The following BLK variants were observed in gnomAD, a reference collection of about 807,000 sequenced individuals.
The protein encoded by BLK is BLK proto-oncogene, Src family tyrosine kinase.
BLK carries 64 observed loss-of-function variants against 61.8 expected under a neutral mutation model. The ratio of observed to expected loss-of-function variants is 1.03; its 90% CI spans 0.85 to 1.27. The LOEUF (loss-of-function observed/expected upper bound fraction) is 1.27. BLK is among the 50% of genes most tolerant of loss of function. The pLI is 0.00. For synonymous variants in BLK, 351 were observed against 272.0 expected, an observed-to-expected ratio of 1.29 and a Z score of -2.86; for missense variants, 853 against 660.5, an observed-to-expected ratio of 1.29 and a Z score of -3.19.
intron 1 of BLK, among the ~76,000 whole-genome samples, chr8:11,496,714 G>A (rs1798371237): frequency 1.3e-5 from 2 of 152,212 alleles, no homozygotes; most frequent in Non-Finnish European, 2.9e-5. Context: ...CAGGAATGGA[G>A]AGAATGAGGA....
chr8:11,532,178 T>G (rs1369331878), intron 1 of BLK, among the ~76,000 whole-genome samples: 1 of 149,352 alleles, frequency 6.7e-6, no homozygotes, highest in Admixed American at 6.7e-5. Context: ...TTTCCTTTTA[T>G]AAAAAAATTT....
chr8:11,502,405 G>T (rs1798597297), intron 1 of BLK, among the ~76,000 whole-genome samples: 1 of 151,994 alleles, frequency 6.6e-6, no homozygotes, highest in Non-Finnish European at 1.5e-5. Flanking sequence ...CTGGGTTTAA[G>T]GGATTCTCCT....
intron 4 of BLK, 84 bp from the exon 5 acceptor site, chr8:11,548,940 A>AGGCC (rs1289244391): frequency 8.1e-7 from 1 of 1,228,848 alleles, no homozygotes; most frequent in Non-Finnish European, 1.2e-6. Flanking sequence ...CCAGGGAGAG[A>AGGCC]TGACTTTGAG....
rs1184513353 is a variant in BLK at position 11,524,409 on chromosome 8, C to T, written c.-1-18815C>T. ...TAATTTTCTACATGTGCAGTACTTG[C>T]TTAATAAAAAATGAGATTGAAAAGT... On this transcript the variant is annotated intron_variant, in intron 1 of 12. Coordinates refer to ENST00000259089, the MANE Select transcript of BLK (RefSeq NM_001715.3). Among the ~76,000 whole-genome samples the T allele has an allele frequency of 2.0e-5, 3 of 152,016 alleles. No individual in the cohort carries two copies. In the East Asian group the frequency reaches 5.8e-4, roughly 29 times the overall value.
intron 1 of BLK, among the ~76,000 whole-genome samples, chr8:11,501,713 C>T (rs1274946424): frequency 3.3e-5 from 5 of 152,284 alleles, no homozygotes; most frequent in South Asian, 2.1e-4. Flanking sequence ...CTGTCATATC[C>T]GTAGCCAAGC....
intron 1 of BLK, among the ~76,000 whole-genome samples, chr8:11,497,161 C>G (rs1201374653): frequency 2.6e-5 from 4 of 152,118 alleles, no homozygotes; most frequent in Admixed American, 6.5e-5. Flanking sequence ...GAAGACAGCA[C>G]GTAGATGGAA....
chr8:11,548,899 G>T (rs76578315), intron 4 of BLK, 125 bp from the exon 5 acceptor site: 7 of 880,292 alleles, frequency 8.0e-6, no homozygotes, highest in African/African-American at 6.7e-5. Flanking sequence ...CCTGCCTGCC[G>T]TACTCTCTAC....
rs749146872 is a variant in BLK, at chr8:11,556,849, C to A, written c.952+12C>A. The A allele has an allele frequency of 1.2e-6, 2 of 1,613,124 alleles. No individual in the cohort carries two copies. The highest frequency in any genetic ancestry group is 1.1e-5 in the South Asian group (1 of 90,952). On this transcript the variant is annotated intron_variant, in intron 9 of 12. Transcript: ENST00000259089. ...GTACATGGCCAGAGGTGGTGCCCCC[C>A]GCAGAGCCGCATCCTCAGAGCGAGG... is the stretch of plus-strand genomic sequence containing the variant.
chr8:11,529,682 C>G (rs1037193554), intron 1 of BLK, among the ~76,000 whole-genome samples: 1 of 152,206 alleles, frequency 6.6e-6, no homozygotes, highest in African/African-American at 2.4e-5. Flanking sequence ...CTGGAATGCG[C>G]TGTTATTGTC....
chr8:11,534,985 G>A (rs559238184), intron 1 of BLK, among the ~76,000 whole-genome samples: 7 of 152,234 alleles, frequency 4.6e-5, no homozygotes, highest in East Asian at 1.9e-4. Context: ...ACCAGCCTGG[G>A]CAACATGATG....
At chr8:11,525,465 T>A (rs1799618295) in intron 1 of BLK, among the ~76,000 whole-genome samples, 2 of 127,314 alleles carry the variant, frequency 1.6e-5, no homozygotes, top group African/African-American at 6.1e-5. Context: ...CAGGATTATA[T>A]CATACAAAAC....
chr8:11,561,343 C>T lies in BLK; in HGVS notation c.1071C>T (p.Ile357=). 6.2e-7 allele frequency: 1 copy of T among 1,614,104 alleles called. No homozygotes were observed. Among genetic ancestry groups the T allele is most frequent in the Non-Finnish European group, 8.5e-7 (1 of 1,179,998 alleles). ...CATACATTGAGCGCATGAATTCCAT[C>T]CACCGCGACCTGCGGGCGGCCAACA... ...GMAYIERMNS[I]HRDLRAANIL... is the part of the protein sequence containing the mutation. Residue 357 remains isoleucine (I), a synonymous_variant, in exon 11 of 13, where the codon ATC becomes ATT. Transcript: ENST00000259089.
chr8:11,550,124 C>T (rs569437248), intron 5 of BLK, 35 bp from the exon 6 acceptor site: 4 of 1,568,354 alleles, frequency 2.6e-6, no homozygotes, highest in African/African-American at 1.4e-5. Context: ...GGAGCAGGGT[C>T]GCTCTGAGTT....
chr8:11,537,541 G>C (rs567606207), intron 1 of BLK, among the ~76,000 whole-genome samples: 31 of 152,284 alleles, frequency 2.0e-4, no homozygotes, highest in African/African-American at 7.5e-4. Context: ...CCCTCCAAGG[G>C]ACACAGAGCC....
intron 11 of BLK, 30 bp downstream of exon 11, chr8:11,561,482 C>T (rs1214139689): frequency 5.6e-6 from 9 of 1,610,330 alleles, no homozygotes; most frequent in Non-Finnish European, 6.8e-6. Flanking sequence ...ACAAGGGAAA[C>T]CTAGGGCCTT....
At chr8:11,535,941 G>C (rs76927874) in intron 1 of BLK, among the ~76,000 whole-genome samples, 271 of 152,288 alleles carry the variant, frequency 1.8e-3, no homozygotes, top group African/African-American at 6.2e-3. Context: ...ACAAATCAAA[G>C]GCTTGAAACT....
intron 1 of BLK, among the ~76,000 whole-genome samples, chr8:11,505,154 A>AC (rs1410790843): frequency 6.6e-6 from 1 of 152,150 alleles, no homozygotes; most frequent in Non-Finnish European, 1.5e-5. Flanking sequence ...CAACAGCAAA[A>AC]CCACCTACCA....
chr8:11,564,197 G>A lies in BLK; in HGVS notation c.*89G>A, dbSNP rs1801622721. The A allele has an allele frequency of 1.4e-6, 2 of 1,440,330 alleles. No homozygotes were observed. Among genetic ancestry groups the A allele is most frequent in the South Asian group, 1.2e-5 (1 of 81,642 alleles). The allele number at this position is 1,440,330 out of a possible 1,614,324, so 89.2% of individuals were successfully genotyped here. A position where few individuals can be genotyped will look rare whatever the true frequency, so the allele number is the denominator to read the frequency against. The stretch of plus-strand genomic sequence containing the variant: ...CCCAGACGGGCCGCGAAGGCGGGGT[G>A]TCGCCTGTGCCCTTTTCTCAGACCC... On this transcript the variant is annotated 3_prime_UTR_variant, in exon 13 of 13. Coordinates refer to ENST00000259089, the MANE Select transcript of BLK (RefSeq NM_001715.3).
chr8:11,506,494 C>T (rs1184274237), intron 1 of BLK, among the ~76,000 whole-genome samples: 2 of 152,154 alleles, frequency 1.3e-5, no homozygotes, highest in Admixed American at 6.5e-5. Context: ...AGGTGAATGA[C>T]TGACAGACTG....
Sources: gnomAD v4.1 joint callset for allele counts (sites outside exome capture counted in the v4.1 genomes callset) on GRCh38, gnomAD v4.1.1 for gene constraint, MANE v1.5 for transcripts, NCBI Gene and HGNC (gene_info 2026-07-23, HGNC 2026-07-21) for gene names.